Variants in EHBP1 observed in about 807,000 individuals in gnomAD.
The protein encoded by EHBP1 is EH domain binding protein 1.
EHBP1 carries 55 observed loss-of-function variants against 144.0 expected under a neutral mutation model. The ratio of observed to expected loss-of-function variants is 0.38; its 90% CI spans 0.31 to 0.48. The LOEUF is 0.48. EHBP1 is among the 20% of genes least tolerant of loss of function. EHBP1 has a pLI of 0.98. For synonymous variants in EHBP1, 469 were observed against 472.7 expected (o/e 0.99, Z 0.10); for missense variants, 1,200 against 1,364.2 (o/e 0.88, Z 1.90).
At chr2:62,875,098 C>T (rs1425968536) in intron 10 of EHBP1, among the ~76,000 whole-genome samples, 1 of 152,198 alleles carries the variant, frequency 6.6e-6, no homozygotes, top group Non-Finnish European at 1.5e-5. Context: ...ACTGCTGCCC[C>T]ATCCCTGCTG....
At chr2:62,988,908 TCTG>T (rs2059304745) in intron 15 of EHBP1, among the ~76,000 whole-genome samples, 1 of 152,166 alleles carries the variant, frequency 6.6e-6, no homozygotes, top group Admixed American at 6.5e-5. Context: ...GCAATGCTAA[TCTG>T]CTCCATTTCT....
At chr2:62,733,011 G>A (rs999843289) in intron 2 of EHBP1, among the ~76,000 whole-genome samples, 2 of 152,034 alleles carry the variant, frequency 1.3e-5, no homozygotes, top group Non-Finnish European at 2.9e-5. Flanking sequence ...TCATTTCTCT[G>A]CTTCCAGTAA....
intron 1 of EHBP1, among the ~76,000 whole-genome samples, chr2:62,687,168 A>G (rs912194033): frequency 4.6e-5 from 7 of 152,214 alleles, no homozygotes; most frequent in Non-Finnish European, 1.0e-4. Context: ...ATTGAATTAA[A>G]TATTCTCTAA....
At chr2:63,038,322 C>T (rs2061528192) in intron 20 of EHBP1, among the ~76,000 whole-genome samples, 2 of 152,138 alleles carry the variant, frequency 1.3e-5, no homozygotes, top group Non-Finnish European at 2.9e-5. Flanking sequence ...TATGAAGAAG[C>T]ACAAAACTTT....
At chr2:62,808,855 A>G (rs561446260) in intron 5 of EHBP1, among the ~76,000 whole-genome samples, 9 of 152,236 alleles carry the variant, frequency 5.9e-5, no homozygotes, top group African/African-American at 1.9e-4. Flanking sequence ...GTGTTTCTCA[A>G]TATTTTCTTC....
chr2:62,939,667 A>T (rs1244140955), intron 10 of EHBP1, among the ~76,000 whole-genome samples: 1 of 151,980 alleles, frequency 6.6e-6, no homozygotes, highest in African/African-American at 2.4e-5. Flanking sequence ...TACCAGGGAA[A>T]TGGAGCAATC....
chr2:62,746,802 T>C (rs1282890868), intron 2 of EHBP1, among the ~76,000 whole-genome samples: 1 of 152,100 alleles, frequency 6.6e-6, no homozygotes, highest in African/African-American at 2.4e-5. Context: ...ATTTCAGTCT[T>C]GGTTCTGCCA....
At chr2:63,031,217 A>G (rs1267066866) in intron 19 of EHBP1, among the ~76,000 whole-genome samples, 1 of 152,198 alleles carries the variant, frequency 6.6e-6, no homozygotes, top group Non-Finnish European at 1.5e-5. Flanking sequence ...TGAGAAGGCT[A>G]TAGGACAGGG....
Position 62,863,854 on chromosome 2 carries a change from T to G in EHBP1, c.758-877T>G, listed in dbSNP as rs1308598195. On this transcript the variant is annotated intron_variant, in intron 8 of 22. Coordinates refer to ENST00000431489, the MANE Select transcript of EHBP1 (RefSeq NM_001142616.3). ...TTTTCTGTGTTGTTTTTTTTTTTTT[T>G]TTTTTTTTTTTAAACAGAGTCTCGC... 4.3e-5 allele frequency among the ~76,000 whole-genome samples: 6 copies of G among 139,322 alleles called. No individual in the cohort carries two copies. The South Asian group carries it at 9.6e-4, about 22-fold the overall frequency. 91.4% of individuals were successfully genotyped at this position (139,322 alleles called of 152,430 possible). A position where few individuals can be genotyped will look rare whatever the true frequency, so the allele number is the denominator to read the frequency against.
intron 14 of EHBP1, among the ~76,000 whole-genome samples, chr2:62,978,736 A>G (rs1410218545): frequency 1.3e-5 from 2 of 152,142 alleles, no homozygotes; most frequent in African/African-American, 4.8e-5. Context: ...CATTTCCTAT[A>G]TAGTATTTGA....
chr2:62,763,090 C>A (rs1479696636), intron 3 of EHBP1, among the ~76,000 whole-genome samples: 1 of 152,104 alleles, frequency 6.6e-6, no homozygotes, highest in Non-Finnish European at 1.5e-5. Flanking sequence ...TCTTTTCATG[C>A]ATTTACATGT....
chr2:62,973,573 T>C (rs1445393471), intron 14 of EHBP1, among the ~76,000 whole-genome samples: 1 of 152,198 alleles, frequency 6.6e-6, no homozygotes. Context: ...AAAATAAAGA[T>C]GTGAAAATTA....
intron 2 of EHBP1, among the ~76,000 whole-genome samples, chr2:62,723,897 T>G (rs1169675158): frequency 6.6e-6 from 1 of 152,162 alleles, no homozygotes; most frequent in Non-Finnish European, 1.5e-5. Context: ...GACCTTTCTC[T>G]CTAGCATTTT....
intron 5 of EHBP1, among the ~76,000 whole-genome samples, chr2:62,820,710 G>GT (rs1553429679): frequency 5.6e-5 from 5 of 88,708 alleles, no homozygotes; most frequent in Non-Finnish European, 4.5e-5. Context: ...TATTCCATTG[G>GT]GTGTGTGTGT....
At chr2:62,953,302 A>C (rs1051552834) in intron 13 of EHBP1, among the ~76,000 whole-genome samples, 1 of 151,742 alleles carries the variant, frequency 6.6e-6, no homozygotes, top group Non-Finnish European at 1.5e-5. Flanking sequence ...ATAGTAAAAA[A>C]TTGTGTGCAA....
intron 7 of EHBP1, among the ~76,000 whole-genome samples, chr2:62,840,816 C>T (rs1295543000): frequency 1.3e-5 from 2 of 151,768 alleles, no homozygotes; most frequent in Admixed American, 6.6e-5. Flanking sequence ...GTTAGAATGG[C>T]AATCATTAAA....
intron 5 of EHBP1, among the ~76,000 whole-genome samples, chr2:62,793,105 G>A (rs757781134): frequency 6.6e-6 from 1 of 151,680 alleles, no homozygotes; most frequent in Non-Finnish European, 1.5e-5. Flanking sequence ...TTTTTTTAGG[G>A]TGCTATTTGT....
intron 1 of EHBP1, among the ~76,000 whole-genome samples, chr2:62,691,742 C>A (rs2033913372): frequency 6.6e-6 from 1 of 152,136 alleles, no homozygotes; most frequent in Admixed American, 6.6e-5. Context: ...AAAACTAGAA[C>A]CCACATCTCA....
Position 63,045,261 on chromosome 2 carries a change from T to A in EHBP1, c.3392+81T>A. On this transcript the variant is annotated intron_variant, in intron 22 of 22. Coordinates refer to ENST00000431489, the MANE Select transcript of EHBP1 (RefSeq NM_001142616.3). The surrounding 1 kb of genome is among the most constrained non-coding windows in gnomAD (Gnocchi z 5.7). ...GTGTGCGGAAAGTTCAATCCAGAGG[T>A]CGCGGGAGGGCCGGGGCAGCCTCCC... 1.3e-5 allele frequency: 18 copies of A among 1,437,616 alleles called. No homozygotes were observed. The highest frequency in any genetic ancestry group is 1.7e-5 in the Non-Finnish European group (18 of 1,046,474). 89.1% of individuals were successfully genotyped at this position (1,437,616 alleles called of 1,614,324 possible).
Sources: allele counts gnomAD v4.1 joint callset (sites outside exome capture counted in the v4.1 genomes callset), GRCh38; gene constraint gnomAD v4.1.1; non-coding constraint Gnocchi (gnomAD v3.1); transcripts MANE v1.5; gene names NCBI Gene and HGNC (gene_info 2026-07-23, HGNC 2026-07-21).